SCHIP1: variants seen among roughly 807,000 people sequenced by gnomAD.
SCHIP1 encodes schwannomin interacting protein 1.
A neutral mutation model predicts 29.7 loss-of-function variants in SCHIP1; 8 were observed. The observed-to-expected ratio is 0.27, with a 90% CI of 0.16 to 0.49. The LOEUF (loss-of-function observed/expected upper bound fraction) is 0.49. SCHIP1 is among the 20% of genes least tolerant of loss of function. The pLI is 0.99. For synonymous variants in SCHIP1, 76 were observed against 94.9 expected, an observed-to-expected ratio of 0.80 and a Z score of 1.16; for missense variants, 193 against 294.6, an observed-to-expected ratio of 0.66 and a Z score of 2.52.
chr3:159,407,527 C>T, the SCHIP1 span, among the ~76,000 whole-genome samples: 14 of 152,198 alleles, frequency 9.2e-5, no homozygotes, highest in African/African-American at 2.4e-4. Flanking sequence ...CACTATAGAC[C>T]AAATGGACCC....
At chr3:159,681,986 T>A in the SCHIP1 span, among the ~76,000 whole-genome samples, 1 of 152,210 alleles carries the variant, frequency 6.6e-6, no homozygotes, top group East Asian at 1.9e-4. Context: ...TCAACTTAAC[T>A]TGGATTAACT....
chr3:159,839,859 C>A, upstream of SCHIP1: 1 of 1,359,452 alleles, frequency 7.4e-7, no homozygotes, highest in Non-Finnish European at 9.4e-7. Context: ...CCAGACTGAT[C>A]CTTTTCTTTG....
the SCHIP1 span, among the ~76,000 whole-genome samples, chr3:159,718,934 A>C: frequency 1.3e-5 from 2 of 152,204 alleles, no homozygotes; most frequent in African/African-American, 4.8e-5. Context: ...AGACAATCCT[A>C]AGCAAAAAGA....
the SCHIP1 span, among the ~76,000 whole-genome samples, chr3:159,395,677 C>G: frequency 6.6e-6 from 1 of 152,060 alleles, no homozygotes; most frequent in Non-Finnish European, 1.5e-5. Context: ...GCACTGTGGT[C>G]TGAGAGATAG....
At chr3:159,864,667 A>T (rs1359094509) in intron 1 of SCHIP1, among the ~76,000 whole-genome samples, 1 of 152,156 alleles carries the variant, frequency 6.6e-6, no homozygotes, top group Non-Finnish European at 1.5e-5. Flanking sequence ...GAGAGTAGAG[A>T]TGAGGTTTCT....
the SCHIP1 span, among the ~76,000 whole-genome samples, chr3:159,291,850 G>A: frequency 5.3e-5 from 8 of 151,858 alleles, no homozygotes; most frequent in East Asian, 1.9e-4. Flanking sequence ...CAATTGACTC[G>A]GGTTCTTCAA....
At chr3:159,640,042 T>C in the SCHIP1 span, among the ~76,000 whole-genome samples, 2 of 152,192 alleles carry the variant, frequency 1.3e-5, no homozygotes, top group African/African-American at 2.4e-5. Flanking sequence ...GTATCTTATC[T>C]GGAGTTAATG....
At chr3:159,506,641 G>C in the SCHIP1 span, among the ~76,000 whole-genome samples, 5 of 152,148 alleles carry the variant, frequency 3.3e-5, no homozygotes, top group Non-Finnish European at 7.4e-5. Context: ...ATTAATTTTT[G>C]TATAAGGTAT....
the SCHIP1 span, among the ~76,000 whole-genome samples, chr3:159,673,696 C>A: frequency 2.6e-5 from 4 of 152,148 alleles, no homozygotes; most frequent in African/African-American, 9.7e-5. Context: ...AGCCAGCTTG[C>A]CCTTTGTCAG....
the SCHIP1 span, among the ~76,000 whole-genome samples, chr3:159,653,940 T>C: frequency 1.3e-5 from 2 of 152,134 alleles, no homozygotes; most frequent in South Asian, 4.2e-4. Context: ...TTAAATTATC[T>C]CATGTACCCC....
At chr3:159,801,531 A>G in the SCHIP1 span, among the ~76,000 whole-genome samples, 10 of 152,336 alleles carry the variant, frequency 6.6e-5, no homozygotes, top group African/African-American at 1.9e-4. Flanking sequence ...ACATTTTGTT[A>G]TCACTTTTAT....
At chr3:159,371,571 GA>G in the SCHIP1 span, among the ~76,000 whole-genome samples, 1 of 152,174 alleles carries the variant, frequency 6.6e-6, no homozygotes, top group Non-Finnish European at 1.5e-5. Flanking sequence ...AGTGTATATG[GA>G]AGTGCTTTGC....
At chr3:159,505,884 G>C in the SCHIP1 span, among the ~76,000 whole-genome samples, 4 of 152,176 alleles carry the variant, frequency 2.6e-5, no homozygotes, top group East Asian at 7.7e-4. Flanking sequence ...TTGGGCATTT[G>C]GGTTGGTTCC....
At chr3:159,887,364 C>A in intron 3 of SCHIP1, 1 of 248,026 alleles carries the variant, frequency 4.0e-6, no homozygotes, top group Non-Finnish European at 7.9e-6. Flanking sequence ...GAGATCCTGT[C>A]CACGCAAAGA....
chr3:159,683,233 G>A, the SCHIP1 span, among the ~76,000 whole-genome samples: 1 of 151,912 alleles, frequency 6.6e-6, no homozygotes, highest in Non-Finnish European at 1.5e-5. Context: ...ATATTTTTTA[G>A]TAGAGATGGG....
chr3:159,334,266 T>C, the SCHIP1 span, among the ~76,000 whole-genome samples: 8 of 152,184 alleles, frequency 5.3e-5, no homozygotes, highest in East Asian at 1.5e-3. Flanking sequence ...TGATTTTGCA[T>C]GTCAACTCAT....
the SCHIP1 span, among the ~76,000 whole-genome samples, chr3:159,384,345 T>C: frequency 6.6e-6 from 1 of 152,048 alleles, no homozygotes; most frequent in South Asian, 2.1e-4. Context: ...TCAAAGGCCT[T>C]TTCTGCATCT....
chr3:159,307,158 G>T, the SCHIP1 span, among the ~76,000 whole-genome samples: 2 of 152,296 alleles, frequency 1.3e-5, no homozygotes, highest in South Asian at 4.1e-4. Context: ...AAAATGATAA[G>T]TTAATTTACC....
chr3:159,680,400 T>C, the SCHIP1 span, among the ~76,000 whole-genome samples: 3 of 147,266 alleles, frequency 2.0e-5, no homozygotes, highest in Non-Finnish European at 4.4e-5. Flanking sequence ...TCCCAGCTAC[T>C]CGAGAGGCTG....
Sources: gnomAD v4.1 joint callset for allele counts (sites outside exome capture counted in the v4.1 genomes callset) on GRCh38, gnomAD v4.1.1 for gene constraint, MANE v1.5 for transcripts, NCBI Gene and HGNC (gene_info 2026-07-23, HGNC 2026-07-21) for gene names.